Variants in PDE4B observed in about 807,000 individuals in gnomAD.
PDE4B encodes phosphodiesterase 4B, also known as 3',5'-cyclic-AMP phosphodiesterase 4B.
A neutral mutation model predicts 82.2 loss-of-function variants in PDE4B; 20 were observed. The observed-to-expected ratio is 0.24, with a 90% CI of 0.17 to 0.35. The LOEUF (loss-of-function observed/expected upper bound fraction) is 0.35. Among genes scored for constraint, PDE4B ranks in the 10% least tolerant of loss-of-function variants. The pLI is 1.00. For missense variants in PDE4B, 655 were observed against 907.2 expected, an observed-to-expected ratio of 0.72 and a Z score of 3.57; for synonymous variants, 320 against 318.9, an observed-to-expected ratio of 1.00 and a Z score of -0.04.
At position 66,247,450 on chromosome 1, in the gene PDE4B, T is replaced by C. The variant is rs774744821; in HGVS notation, c.282-10T>C. The C allele has an allele frequency of 2.6e-6, 4 of 1,545,416 alleles. No individual in the cohort carries two copies. Among genetic ancestry groups the C allele is most frequent in the Non-Finnish European group, 3.5e-6 (4 of 1,147,052 alleles). On this transcript the variant is annotated splice_polypyrimidine_tract_variant and intron_variant, in intron 3 of 16. Transcript: ENST00000341517. ...ATCATGTGACCAGAGTTTCCCACTT[T>C]CTCTTTAAGCTTTGATGTGGAAAAT...
At chr1:66,111,402 A>G (rs920870061) in intron 3 of PDE4B, among the ~76,000 whole-genome samples, 1 of 152,058 alleles carries the variant, frequency 6.6e-6, no homozygotes, top group African/African-American at 2.4e-5. Context: ...CTCTTTACCC[A>G]TTAAACAATA....
intron 1 of PDE4B, among the ~76,000 whole-genome samples, chr1:65,891,905 T>C (rs1646856783): frequency 6.6e-6 from 1 of 152,096 alleles, no homozygotes; most frequent in African/African-American, 2.4e-5. Flanking sequence ...ATTAATAGAA[T>C]TGGATACTGC....
At chr1:66,142,273 G>A (rs536397830) in intron 3 of PDE4B, among the ~76,000 whole-genome samples, 4 of 152,108 alleles carry the variant, frequency 2.6e-5, no homozygotes, top group East Asian at 1.9e-4. Context: ...AACCTGTATC[G>A]TTCATGGGTC....
chr1:66,212,484 G>A (rs1650132351), intron 3 of PDE4B, among the ~76,000 whole-genome samples: 1 of 151,944 alleles, frequency 6.6e-6, no homozygotes, highest in African/African-American at 2.4e-5. Flanking sequence ...TCTCCAGGAG[G>A]CCTAGCTTTC....
At chr1:66,212,495 C>A (rs1194722544) in intron 3 of PDE4B, among the ~76,000 whole-genome samples, 2 of 145,728 alleles carry the variant, frequency 1.4e-5, no homozygotes, top group African/African-American at 5.6e-5. Context: ...CCTAGCTTTC[C>A]CCTCCTCTCT....
intron 3 of PDE4B, among the ~76,000 whole-genome samples, chr1:66,018,063 T>C (rs1652879122): frequency 6.6e-6 from 1 of 152,192 alleles, no homozygotes; most frequent in African/African-American, 2.4e-5. Flanking sequence ...AGTGTTACTC[T>C]TGTAACAGGA....
chr1:66,154,050 T>TACCTTTTTATCTTCCCTTTCTCC (rs1646454619), intron 3 of PDE4B, among the ~76,000 whole-genome samples: 1 of 152,222 alleles, frequency 6.6e-6, no homozygotes, highest in Non-Finnish European at 1.5e-5. Flanking sequence ...CTTCTTTCTT[T>TACCTTTTTATCTTCCCTTTCTCC]ACCTTTTTAT....
At chr1:66,137,340 G>A (rs1441668132) in intron 3 of PDE4B, among the ~76,000 whole-genome samples, 1 of 152,152 alleles carries the variant, frequency 6.6e-6, no homozygotes, top group African/African-American at 2.4e-5. Flanking sequence ...TAGCTCATCC[G>A]CTGAAAAAGG....
chr1:66,215,617 G>A (rs533515968), intron 3 of PDE4B, among the ~76,000 whole-genome samples: 4 of 152,192 alleles, frequency 2.6e-5, no homozygotes, highest in Admixed American at 6.5e-5. Context: ...CAATATGATG[G>A]CTTCTTTCTG....
chr1:65,973,119 C>T (rs1245828053), intron 3 of PDE4B, among the ~76,000 whole-genome samples: 1 of 152,048 alleles, frequency 6.6e-6, no homozygotes, highest in Non-Finnish European at 1.5e-5. Flanking sequence ...GAACCATTTC[C>T]ATTGATTGGG....
chr1:66,056,148 G>A (rs1655280057), intron 3 of PDE4B, among the ~76,000 whole-genome samples: 1 of 151,882 alleles, frequency 6.6e-6, no homozygotes, highest in Non-Finnish European at 1.5e-5. Flanking sequence ...CAGGCTAATG[G>A]GGCCTCTGGA....
intron 3 of PDE4B, among the ~76,000 whole-genome samples, chr1:66,083,641 C>G (rs1656854551): frequency 6.6e-6 from 1 of 152,230 alleles, no homozygotes; most frequent in African/African-American, 2.4e-5. Flanking sequence ...CTCCTCCATT[C>G]CATGCCGCTC....
chr1:66,118,150 A>G (rs1195927874), intron 3 of PDE4B, among the ~76,000 whole-genome samples: 1 of 152,128 alleles, frequency 6.6e-6, no homozygotes, highest in East Asian at 1.9e-4. Context: ...CCACTTGTTG[A>G]TGGGGTTGTT....
chr1:65,903,879 C>G (rs183193304), intron 1 of PDE4B, among the ~76,000 whole-genome samples: 1 of 152,170 alleles, frequency 6.6e-6, no homozygotes, highest in African/African-American at 2.4e-5. Flanking sequence ...GAATCACTGG[C>G]AGACTTCATA....
chr1:65,978,072 G>T (rs145398320), intron 3 of PDE4B, among the ~76,000 whole-genome samples: 1,625 of 147,828 alleles, frequency 0.011, 32 homozygotes, highest in African/African-American at 0.039. Context: ...TTGTTGCCCA[G>T]GCTGGAGTGC....
At chr1:66,012,893 A>G (rs1417171809) in intron 3 of PDE4B, among the ~76,000 whole-genome samples, 1 of 152,140 alleles carries the variant, frequency 6.6e-6, no homozygotes, top group Non-Finnish European at 1.5e-5. Context: ...CTCTAACTAA[A>G]CTTCACAAAT....
intron 1 of PDE4B, among the ~76,000 whole-genome samples, chr1:65,898,126 A>C (rs1646931065): frequency 6.6e-6 from 1 of 151,942 alleles, no homozygotes; most frequent in African/African-American, 2.4e-5. Context: ...TTGGCCACTT[A>C]TATGTCTTTT....
chr1:66,233,326 T>C (rs1206326807), intron 3 of PDE4B, among the ~76,000 whole-genome samples: 1 of 152,248 alleles, frequency 6.6e-6, no homozygotes. Flanking sequence ...TCTTATTTAT[T>C]GCTAAGTGGT....
At chr1:66,293,503 A>T (rs895075046) in intron 7 of PDE4B, among the ~76,000 whole-genome samples, 1 of 151,704 alleles carries the variant, frequency 6.6e-6, no homozygotes, top group African/African-American at 2.4e-5. Context: ...TTTATGGAAG[A>T]TAGAGTCTGA....
Sources: allele counts gnomAD v4.1 joint callset (sites outside exome capture counted in the v4.1 genomes callset), GRCh38; gene constraint gnomAD v4.1.1; transcripts MANE v1.5; gene names NCBI Gene and HGNC (gene_info 2026-07-23, HGNC 2026-07-21).